The following MST1R variants were observed in gnomAD, a reference collection of about 807,000 sequenced individuals.
MST1R encodes the protein macrophage-stimulating protein receptor.
In MST1R, 99 loss-of-function variants were observed where a neutral mutation model predicts 117.8. The observed-to-expected ratio is 0.84, with a 90% CI of 0.71 to 0.99. The LOEUF is 0.99. MST1R is among the 50% of genes least tolerant of loss of function. The pLI is 0.00. For synonymous variants in MST1R, 734 were observed against 765.3 expected (o/e 0.96, Z 0.68); for missense variants, 1,683 against 1,840.2 (o/e 0.91, Z 1.56).
Position 49,890,594 on chromosome 3 carries a change from A to G in MST1R, c.3701T>C (p.Leu1234Pro). 3 of 1,614,146 alleles carry G rather than the reference A, an allele frequency of 1.9e-6. No individual in the cohort carries two copies. The highest frequency in any genetic ancestry group is 2.5e-6 in the Non-Finnish European group (3 of 1,179,980). The change falls in exon 18 of 20, where the codon CTG becomes CCG. Residue 1234 changes from leucine to proline, a missense_variant. Transcript: ENST00000296474. ...TTGAACACTATAGTACTCCCTGTCC[A>G]GGATGTCGCGGGCCAAACCAAAGTC... is the stretch of plus-strand genomic sequence containing the variant. ...VADFGLARDI[L>P]DREYYSVQQH...
intron 1 of MST1R, among the ~76,000 whole-genome samples, chr3:49,900,039 AC>A (rs1351214387): frequency 6.6e-6 from 1 of 152,064 alleles, no homozygotes; most frequent in Non-Finnish European, 1.5e-5. Flanking sequence ...ACTTCAGCAA[AC>A]CCTGTCTCCT....
Position 49,903,648 on chromosome 3 carries a change from G to A in MST1R, c.-39C>T. 28 of 1,529,958 alleles carry A rather than the reference G, an allele frequency of 1.8e-5. No homozygotes were observed. The highest frequency in any genetic ancestry group is 2.4e-5 in the Non-Finnish European group (27 of 1,146,266). 94.8% of individuals were successfully genotyped at this position (1,529,958 alleles called of 1,614,324 possible). On this transcript the variant is annotated 5_prime_UTR_variant, in exon 1 of 20. Coordinates refer to ENST00000296474, the MANE Select transcript of MST1R (RefSeq NM_002447.4). ...GACCCTAGAGGATCCCTACCGGCCT[G>A]GGCCTGGACCTGGGCGTGGGCCTGG...
Position 49,895,862 on chromosome 3 carries a change from A to G in MST1R, c.2815T>C (p.Cys939Arg). 1 of 1,609,492 alleles carries G rather than the reference A, an allele frequency of 6.2e-7. No homozygotes were observed. Among genetic ancestry groups the G allele is most frequent in the Non-Finnish European group, 8.5e-7 (1 of 1,177,522 alleles). Residue 939 changes from cysteine to arginine, a missense_variant, in exon 12 of 20, where the codon TGT becomes CGT. Coordinates refer to ENST00000296474, the MANE Select transcript of MST1R (RefSeq NM_002447.4). ...APLQVCVDGE[C>R]HILGRVVRPG... ...CGCACCACTCTACCCAGGATATGACATTCACCATCTACGCAGACCTGGGGG... is the reference window on the plus strand; with the variant it reads ...CGCACCACTCTACCCAGGATATGACGTTCACCATCTACGCAGACCTGGGGG...
chr3:49,889,120 C>G (rs942995282), intron 19 of MST1R, among the ~76,000 whole-genome samples: 1 of 152,192 alleles, frequency 6.6e-6, no homozygotes, highest in Non-Finnish European at 1.5e-5. Context: ...CAAGCAGTCC[C>G]TGTGGGATGG....
In MST1R at chr3:49,898,635, C is replaced by A. The variant is rs562945386; in HGVS notation, c.1602G>T (p.Gly534=). ...TGAAATGCCATGCCCTTAGGCAACG[C>A]CCACAGGTCAGGAAGTGGCGGCAGC... ...GPGCRHFLTC[G]RCLRAWHFMG... The change falls in exon 4 of 20, where the codon GGG becomes GGT. Residue 534 remains glycine, a synonymous_variant. Coordinates refer to ENST00000296474, the MANE Select transcript of MST1R (RefSeq NM_002447.4). 1 of 1,614,186 alleles carries A rather than the reference C, an allele frequency of 6.2e-7. No individual in the cohort carries two copies. Among genetic ancestry groups the A allele is most frequent in the Admixed American group, 1.7e-5 (1 of 60,032 alleles).
At position 49,891,429 on chromosome 3, in the gene MST1R, G is replaced by A; in HGVS notation, c.3504C>T (p.Asp1168=). 6.2e-7 allele frequency: 1 copy of A among 1,614,006 alleles called. No homozygotes were observed. Among genetic ancestry groups the A allele is most frequent in the Non-Finnish European group, 8.5e-7 (1 of 1,180,030 alleles). ...GAGGTGAGCGGATGAACTGGAGCAG[G>A]TCACCGTGGCACATATAGGGCAGCA... ...HVLLPYMCHG[D]LLQFIRSPQR... Residue 1168 remains aspartate (D), a synonymous_variant, in exon 16 of 20, where the codon GAC becomes GAT. Transcript: ENST00000296474.
intron 19 of MST1R, among the ~76,000 whole-genome samples, chr3:49,889,537 C>A (rs2082252951): frequency 6.6e-6 from 1 of 152,142 alleles, no homozygotes; most frequent in African/African-American, 2.4e-5. Context: ...AAACCACATA[C>A]AGTGAAAAAA....
At position 49,902,674 on chromosome 3, in the gene MST1R, T is replaced by C; in HGVS notation, c.936A>G (p.Pro312=). Reference sequence around the variant, plus strand: ...GCACAGGGTAGGGCTGTCCGCCTTCTGGGGCCCCCCGGCGCCTGCGTTTTG... The same window carrying C: ...GCACAGGGTAGGGCTGTCCGCCTTCCGGGGCCCCCCGGCGCCTGCGTTTTG... ...FAPKRRRRGA[P]EGGQPYPVLR... The change falls in exon 1 of 20, where the codon CCA becomes CCG. Residue 312 remains proline, a synonymous_variant. Coordinates refer to ENST00000296474, the MANE Select transcript of MST1R (RefSeq NM_002447.4). 1 of 1,613,442 alleles carries C rather than the reference T, an allele frequency of 6.2e-7. No homozygotes were observed. Among genetic ancestry groups the C allele is most frequent in the Non-Finnish European group, 8.5e-7 (1 of 1,180,038 alleles).
Position 49,895,183 on chromosome 3 carries a change from G to T in MST1R, c.3255C>A (p.Asp1085Glu). 2 of 1,614,044 alleles carry T rather than the reference G, an allele frequency of 1.2e-6. No homozygotes were observed. The highest frequency in any genetic ancestry group is 1.7e-6 in the Non-Finnish European group (2 of 1,180,038). ...IPHERVVTHS[D>E]RVIGKGHFGV... ...CCCCCACACCTTTGCCAATGACTCG[G>T]TCACTGTGGGTGACCACCCGCTCAT... The change falls in exon 14 of 20, where the codon GAC (aspartate) becomes GAA (glutamate). Residue 1085 changes from aspartate to glutamate, a missense_variant. Asp to Glu is a conservative substitution (Grantham distance 45). Coordinates refer to ENST00000296474, the MANE Select transcript of MST1R (RefSeq NM_002447.4).
intron 3 of MST1R, 47 bp from the exon 4 acceptor site, chr3:49,898,735 T>A: frequency 3.7e-6 from 6 of 1,610,600 alleles, no homozygotes; most frequent in Non-Finnish European, 5.1e-6. Flanking sequence ...AGGGAGAGAT[T>A]GGGCCCTATA....
rs777824173 is a variant in MST1R at position 49,896,609 on chromosome 3, G to T, written c.2370C>A (p.Gly790=). 25 of 1,614,090 alleles carry T rather than the reference G, an allele frequency of 1.5e-5. No individual in the cohort carries two copies. Among genetic ancestry groups the T allele is most frequent in the Non-Finnish European group, 2.1e-5 (25 of 1,180,028 alleles). The change falls in exon 9 of 20, where the codon GGC becomes GGA. Residue 790 remains glycine (G), a synonymous_variant. Transcript: ENST00000296474. Reference sequence around the variant, plus strand: ...AGTGCCATGCTGAAGTTAGATGCTGGCCACAGATGGTGATGTGGGAGTTGC... The same window carrying T: ...AGTGCCATGCTGAAGTTAGATGCTGTCCACAGATGGTGATGTGGGAGTTGC... ...GYINSHITIC[G]QHLTSAWHLV...
intron 1 of MST1R, among the ~76,000 whole-genome samples, chr3:49,901,470 G>C (rs2082674562): frequency 6.6e-6 from 1 of 152,054 alleles, no homozygotes; most frequent in Non-Finnish European, 1.5e-5. Context: ...CTTCCTGCCT[G>C]GGGTAGGGCT....
intron 14 of MST1R, among the ~76,000 whole-genome samples, chr3:49,894,044 T>C (rs1005429113): frequency 1.4e-5 from 2 of 147,258 alleles, no homozygotes; most frequent in Non-Finnish European, 3.0e-5. Flanking sequence ...TGAAATCCTA[T>C]CTCTACCAAA....
intron 14 of MST1R, among the ~76,000 whole-genome samples, chr3:49,894,568 A>T (rs1363763722): frequency 6.6e-6 from 1 of 152,190 alleles, no homozygotes; most frequent in Non-Finnish European, 1.5e-5. Context: ...ACCCTGTCAC[A>T]AAAACAAAAA....
intron 4 of MST1R, 122 bp from the exon 5 acceptor site, chr3:49,898,333 T>C: frequency 7.0e-7 from 1 of 1,433,932 alleles, no homozygotes; most frequent in Non-Finnish European, 9.6e-7. Flanking sequence ...TTGGAGTCAC[T>C]TGCATTCAAG....
rs781728873 is a variant in MST1R, at chr3:49,896,590, A to T, written c.2389T>A (p.Trp797Arg). 4 of 1,614,210 alleles carry T rather than the reference A, an allele frequency of 2.5e-6. No individual in the cohort carries two copies. In the East Asian group the frequency reaches 6.7e-5, roughly 27 times the overall value. ...TCATGGAATGACAGCACTAAGTGCC[A>T]TGCTGAAGTTAGATGCTGGCCACAG... ...TICGQHLTSAWHLVLSFHDGL... is the reference protein window; with the variant it reads ...TICGQHLTSARHLVLSFHDGL... The change falls in exon 9 of 20, where the codon TGG (tryptophan) becomes AGG (arginine). Residue 797 changes from tryptophan to arginine, a missense_variant. Trp to Arg is a moderately radical substitution (Grantham distance 101). Coordinates refer to ENST00000296474, the MANE Select transcript of MST1R (RefSeq NM_002447.4).
chr3:49,895,520 T>G lies in MST1R; in HGVS notation c.2991A>C (p.Ala997=), dbSNP rs2082437960. The G allele has an allele frequency of 6.2e-7, 1 of 1,614,016 alleles. No individual in the cohort carries two copies. The highest frequency in any genetic ancestry group is 8.5e-7 in the Non-Finnish European group (1 of 1,180,040). ...TGGCTCCAGCAGTCTGGTCCAGGGATGCCAGGTCATTCAGGTTGGGAGGAA... is the reference window on the plus strand; with the variant it reads ...TGGCTCCAGCAGTCTGGTCCAGGGAGGCCAGGTCATTCAGGTTGGGAGGAA... ...LVLPPNLNDL[A]SLDQTAGATP... Residue 997 remains alanine (A), a synonymous_variant, in exon 13 of 20, where the codon GCA becomes GCC. Transcript: ENST00000296474.
chr3:49,898,811 T>G, intron 3 of MST1R, 56 bp downstream of exon 3: 4 of 1,611,096 alleles, frequency 2.5e-6, no homozygotes, highest in Middle Eastern at 1.7e-4. Context: ...CTGGATTGGA[T>G]GGAGAGTCTG....
Position 49,897,600 on chromosome 3 carries a change from T to G in MST1R, c.1966A>C (p.Ser656Arg). Residue 656 changes from serine (S) to arginine (R), a missense_variant, in exon 6 of 20, where the codon AGC becomes CGC. Physicochemically the swap from Ser to Arg is moderately radical, Grantham distance 110. Coordinates refer to ENST00000296474, the MANE Select transcript of MST1R (RefSeq NM_002447.4). ...GTQAVGPTNV[S>R]LTVTNMPPGK... ...GGTGGCATGTTAGTCACGGTGAGGC[T>G]GACGTTGGTAGGCCCCACTGCCTGG... 6.2e-7 allele frequency: 1 copy of G among 1,614,150 alleles called. No homozygotes were observed. Among genetic ancestry groups the G allele is most frequent in the African/African-American group, 1.3e-5 (1 of 75,068 alleles).
Sources: gnomAD v4.1 joint callset for allele counts (sites outside exome capture counted in the v4.1 genomes callset) on GRCh38, gnomAD v4.1.1 for gene constraint, MANE v1.5 for transcripts, NCBI Gene and HGNC (gene_info 2026-07-23, HGNC 2026-07-21) for gene names.